Variants in TXNDC9 observed in about 807,000 individuals in gnomAD.
TXNDC9 encodes the protein thioredoxin domain-containing protein 9.
A neutral mutation model predicts 23.0 loss-of-function variants in TXNDC9; 7 were observed. The observed-to-expected ratio is 0.30, with a 90% CI of 0.17 to 0.57. TXNDC9 has a LOEUF of 0.57. Among genes scored for constraint, TXNDC9 ranks in the 20% least tolerant of loss-of-function variants. The pLI is 0.90. For synonymous variants in TXNDC9, 72 were observed against 90.6 expected, an observed-to-expected ratio of 0.79 and a Z score of 1.17; for missense variants, 198 against 252.6, an observed-to-expected ratio of 0.78 and a Z score of 1.47.
rs185704209 is a variant in TXNDC9, at chr2:99,329,508, G to A, written c.190-1855C>T. On this transcript the variant is annotated intron_variant, in intron 2 of 4. Transcript: ENST00000264255. ...TGGCCCAGACTATATTGATGACTGC[G>A]GTGTCAAAATCACATCCATTTACAT... Among the ~76,000 whole-genome samples the A allele has an allele frequency of 5.3e-4, 81 of 152,244 alleles. 1 individual carries two copies. The East Asian group carries it at 8.5e-3, about 16-fold the overall frequency.
chr2:99,318,304 T>G (rs750845845), downstream of TXNDC9, among the ~76,000 whole-genome samples: 1 of 152,196 alleles, frequency 6.6e-6, no homozygotes, highest in Non-Finnish European at 1.5e-5. Flanking sequence ...ACCTTTACAC[T>G]TCAACATCTT....
At chr2:99,325,501 A>T (rs1323522286) in intron 3 of TXNDC9, among the ~76,000 whole-genome samples, 2 of 152,226 alleles carry the variant, frequency 1.3e-5, no homozygotes, top group Admixed American at 1.3e-4. Flanking sequence ...CTTTGCTAAT[A>T]TATAAAGTTC....
chr2:99,321,733 A>G (rs1174956705), intron 4 of TXNDC9: 2 of 509,982 alleles, frequency 3.9e-6, no homozygotes, highest in African/African-American at 3.9e-5. Flanking sequence ...GGTGAGACTC[A>G]GTTTTACCTA....
intron 2 of TXNDC9, among the ~76,000 whole-genome samples, chr2:99,331,972 C>T (rs576229808): frequency 2.6e-5 from 4 of 152,202 alleles, no homozygotes; most frequent in Admixed American, 1.3e-4. Context: ...TCAGGTTGTC[C>T]GCTCACCTTG....
At chr2:99,322,681 A>C (rs1259115718) in intron 3 of TXNDC9, 1 of 1,508,142 alleles carries the variant, frequency 6.6e-7, no homozygotes, top group East Asian at 2.5e-5. Context: ...AAGCACATTA[A>C]GGCTAAGGGT....
downstream of TXNDC9, among the ~76,000 whole-genome samples, chr2:99,314,934 C>T (rs1198597868): frequency 2.2e-5 from 3 of 138,452 alleles, no homozygotes; most frequent in Non-Finnish European, 3.1e-5. Context: ...CTCACTCTGT[C>T]GCCCAGGCTG....
chr2:99,332,869 T>A, intron 2 of TXNDC9, 153 bp downstream of exon 2: 1 of 640,810 alleles, frequency 1.6e-6, no homozygotes. Flanking sequence ...AAAACATATT[T>A]TTTTCTGGGC....
intron 2 of TXNDC9, among the ~76,000 whole-genome samples, chr2:99,332,035 T>C (rs556040726): frequency 6.6e-6 from 1 of 152,300 alleles, no homozygotes; most frequent in African/African-American, 2.4e-5. Flanking sequence ...CGGTCAAAAC[T>C]CCCTATTTCT....
chr2:99,306,592 G>A, the TXNDC9 span, among the ~76,000 whole-genome samples: 1 of 152,108 alleles, frequency 6.6e-6, no homozygotes. Flanking sequence ...ATCCTTCCTG[G>A]AAACTTCATA....
At chr2:99,314,671 C>T (rs1469544805), downstream of TXNDC9, among the ~76,000 whole-genome samples, 1 of 150,928 alleles carries the variant, frequency 6.6e-6, no homozygotes, top group Non-Finnish European at 1.5e-5. Flanking sequence ...GCTGGTACTA[C>T]AGGCGCATGC....
At chr2:99,314,552 A>C (rs2094184273), downstream of TXNDC9, among the ~76,000 whole-genome samples, 1 of 35,774 alleles carries the variant, frequency 2.8e-5, no homozygotes, top group Non-Finnish European at 5.4e-5. Flanking sequence ...TTTTTTTGAG[A>C]CAGAGTCTCA....
Position 99,319,594 on chromosome 2 carries a change from A to G in TXNDC9, c.*88T>C. The G allele has an allele frequency of 1.0e-6, 1 of 956,128 alleles. No homozygotes were observed. The highest frequency in any genetic ancestry group is 1.6e-6 in the Non-Finnish European group (1 of 616,046). The allele number at this position is 956,128 out of a possible 1,614,324, so 59.2% of individuals were successfully genotyped here. On this transcript the variant is annotated 3_prime_UTR_variant, in exon 5 of 5. Transcript: ENST00000264255. ...ACTCGAGAATATGAGTATTTAGGTG[A>G]CCAATGTATAGACATTAATAGAATT...
chr2:99,314,104 T>G (rs913422761), downstream of TXNDC9, among the ~76,000 whole-genome samples: 1 of 152,248 alleles, frequency 6.6e-6, no homozygotes, highest in African/African-American at 2.4e-5. Context: ...CTGATTGCTC[T>G]GCGGAATTTC....
chr2:99,314,845 T>C (rs1181099874), downstream of TXNDC9, among the ~76,000 whole-genome samples: 1 of 151,784 alleles, frequency 6.6e-6, no homozygotes, highest in Non-Finnish European at 1.5e-5. Context: ...TTCATGTACT[T>C]ACTGCCCAAC....
At chr2:99,333,468 G>A (rs958110453) in intron 1 of TXNDC9, among the ~76,000 whole-genome samples, 5 of 152,062 alleles carry the variant, frequency 3.3e-5, no homozygotes, top group African/African-American at 1.2e-4. Flanking sequence ...CAAATTTAGG[G>A]TGCTTCTGAT....
At chr2:99,314,612 C>T (rs1223788290), downstream of TXNDC9, among the ~76,000 whole-genome samples, 1 of 141,422 alleles carries the variant, frequency 7.1e-6, no homozygotes, top group Non-Finnish European at 1.5e-5. Context: ...CTCACTGCAA[C>T]CTCCACCTCC....
the TXNDC9 span, among the ~76,000 whole-genome samples, chr2:99,309,978 C>G: frequency 1.3e-5 from 2 of 152,160 alleles, no homozygotes; most frequent in Non-Finnish European, 2.9e-5. Flanking sequence ...AGCCACTGCA[C>G]CCAGCCTCCT....
At chr2:99,318,418 C>G (rs1285842220), downstream of TXNDC9, among the ~76,000 whole-genome samples, 1 of 152,148 alleles carries the variant, frequency 6.6e-6, no homozygotes, top group Non-Finnish European at 1.5e-5. Flanking sequence ...TTGTGATCCA[C>G]CCACCTCGGC....
chr2:99,322,749 A>G, intron 3 of TXNDC9: 1 of 1,377,222 alleles, frequency 7.3e-7, no homozygotes, highest in Non-Finnish European at 9.4e-7. Context: ...AAAAAATACC[A>G]GTAGTAACTT....
Sources: gnomAD v4.1 joint callset for allele counts (sites outside exome capture counted in the v4.1 genomes callset) on GRCh38, gnomAD v4.1.1 for gene constraint, MANE v1.5 for transcripts, NCBI Gene and HGNC (gene_info 2026-07-23, HGNC 2026-07-21) for gene names.